Variants in DPP6 observed in about 807,000 individuals in gnomAD.
DPP6 encodes the protein dipeptidyl peptidase like 6, also known as A-type potassium channel modulatory protein DPP6.
A neutral mutation model predicts 122.6 loss-of-function variants in DPP6; 69 were observed. The observed-to-expected ratio is 0.56, with a 90% confidence interval of 0.46 to 0.69. The LOEUF (loss-of-function observed/expected upper bound fraction) is 0.69, where lower values mean the gene tolerates loss of function less well. Among genes scored for constraint, DPP6 ranks in the 30% least tolerant of loss-of-function variants. DPP6 has a pLI of 0.00. For missense variants in DPP6, 928 were observed against 1,116.9 expected (o/e 0.83, Z 2.41); for synonymous variants, 418 against 433.1 (o/e 0.97, Z 0.43).
intron 6 of DPP6, among the ~76,000 whole-genome samples, chr7:154,641,775 C>T (rs1210221913): frequency 6.6e-6 from 1 of 152,038 alleles, no homozygotes; most frequent in African/African-American, 2.4e-5. Flanking sequence ...AAAAATTGGT[C>T]CTATCACTTT....
intron 1 of DPP6, among the ~76,000 whole-genome samples, chr7:153,942,995 C>T (rs1179743055): frequency 2.6e-5 from 4 of 152,164 alleles, no homozygotes; most frequent in Non-Finnish European, 4.4e-5. Flanking sequence ...CTGGCCCCAG[C>T]GACACTCTGG....
At chr7:154,417,687 A>G (rs1242835984) in intron 1 of DPP6, among the ~76,000 whole-genome samples, 1 of 152,064 alleles carries the variant, frequency 6.6e-6, no homozygotes, top group Non-Finnish European at 1.5e-5. Flanking sequence ...CACTCCCACC[A>G]CAAGTCAGTT....
intron 1 of DPP6, among the ~76,000 whole-genome samples, chr7:153,944,175 C>T (rs191540602): frequency 3.3e-4 from 51 of 152,320 alleles, no homozygotes; most frequent in African/African-American, 1.0e-3. Context: ...CCAGCACAGC[C>T]GGGGCTCGGT....
intron 4 of DPP6, among the ~76,000 whole-genome samples, chr7:154,566,543 G>A (rs1297600820): frequency 3.3e-5 from 5 of 151,838 alleles, no homozygotes; most frequent in Non-Finnish European, 5.9e-5. Context: ...CACCCACCTC[G>A]GCCTCCCAAA....
At chr7:153,815,668 C>T in the DPP6 span, among the ~76,000 whole-genome samples, 3 of 152,098 alleles carry the variant, frequency 2.0e-5, no homozygotes, top group Non-Finnish European at 4.4e-5. Flanking sequence ...GAAGTTAGTC[C>T]TTTGTCAGAA....
intron 1 of DPP6, among the ~76,000 whole-genome samples, chr7:153,937,592 C>T (rs576688721): frequency 2.0e-4 from 31 of 152,046 alleles, no homozygotes; most frequent in African/African-American, 6.7e-4. Context: ...GGATAACAGG[C>T]GCCCGCCACC....
chr7:153,960,761 C>T (rs1795315286), intron 1 of DPP6, among the ~76,000 whole-genome samples: 1 of 149,052 alleles, frequency 6.7e-6, no homozygotes, highest in Admixed American at 6.8e-5. Flanking sequence ...TCCAGGTGCC[C>T]TCATACTGTG....
chr7:154,189,886 C>T (rs2150763049), intron 1 of DPP6, among the ~76,000 whole-genome samples: 1 of 152,232 alleles, frequency 6.6e-6, no homozygotes, highest in South Asian at 2.1e-4. Flanking sequence ...TTCAAATAAC[C>T]AACAACATTT....
At chr7:154,093,941 G>A (rs1350741727) in intron 1 of DPP6, 2 of 152,144 alleles carry the variant, frequency 1.3e-5, no homozygotes, top group Non-Finnish European at 2.9e-5. Flanking sequence ...TTCCTTTCAT[G>A]TTTGGGCCAA....
chr7:154,475,129 T>C, intron 3 of DPP6, 92 bp downstream of exon 3: 1 of 965,330 alleles, frequency 1.0e-6, no homozygotes, highest in Non-Finnish European at 1.7e-6. Context: ...CCTCTCGGAT[T>C]TCCCCCTTTG....
intron 25 of DPP6, among the ~76,000 whole-genome samples, chr7:154,891,553 G>A (rs1424359963): frequency 6.6e-6 from 1 of 152,142 alleles, no homozygotes; most frequent in Non-Finnish European, 1.5e-5. Context: ...AAATCTGTGG[G>A]GTGGGCCCGT....
intron 1 of DPP6, among the ~76,000 whole-genome samples, chr7:153,891,796 G>A (rs1799215995): frequency 6.6e-6 from 1 of 152,182 alleles, no homozygotes; most frequent in Admixed American, 6.5e-5. Flanking sequence ...CTTCCTTGGT[G>A]TGTGCATTGG....
intron 5 of DPP6, among the ~76,000 whole-genome samples, chr7:154,634,564 G>A (rs117603264): frequency 0.02 from 3,006 of 152,048 alleles, 52 homozygotes; most frequent in Non-Finnish European, 0.033. Flanking sequence ...GTTTTGATTT[G>A]GTTTGGTTTG....
At chr7:153,794,822 T>A in the DPP6 span, among the ~76,000 whole-genome samples, 1 of 152,184 alleles carries the variant, frequency 6.6e-6, no homozygotes, top group African/African-American at 2.4e-5. Flanking sequence ...CTCATAATAG[T>A]GAATAAGTCT....
chr7:154,516,435 C>G (rs1023579040), intron 3 of DPP6, among the ~76,000 whole-genome samples: 1 of 152,210 alleles, frequency 6.6e-6, no homozygotes, highest in Non-Finnish European at 1.5e-5. Flanking sequence ...GGGGAGGCAT[C>G]TGCAGTCTCC....
intron 1 of DPP6, among the ~76,000 whole-genome samples, chr7:154,322,256 C>T (rs1299371986): frequency 6.6e-6 from 1 of 152,202 alleles, no homozygotes; most frequent in Non-Finnish European, 1.5e-5. Flanking sequence ...AGGAAATAGA[C>T]TTAAAGTGCT....
chr7:154,884,745 ACATACT>A (rs1805979363), intron 21 of DPP6: 1 of 69,754 alleles, frequency 1.4e-5, no homozygotes, highest in Non-Finnish European at 2.9e-5. Flanking sequence ...AAGTTTACAC[ACATACT>A]CATACATGCT....
At chr7:154,741,930 A>T (rs1005579341) in intron 8 of DPP6, among the ~76,000 whole-genome samples, 2 of 152,248 alleles carry the variant, frequency 1.3e-5, no homozygotes, top group Admixed American at 1.3e-4. Flanking sequence ...AGAAATTTAC[A>T]TGTAGCAAAA....
At chr7:154,854,545 T>G (rs1450048717) in intron 17 of DPP6, among the ~76,000 whole-genome samples, 1 of 151,846 alleles carries the variant, frequency 6.6e-6, no homozygotes, top group African/African-American at 2.4e-5. Context: ...TTACGGAGGG[T>G]GATCAGATAT....
Sources: allele counts gnomAD v4.1 joint callset (sites outside exome capture counted in the v4.1 genomes callset), GRCh38; gene constraint gnomAD v4.1.1; transcripts MANE v1.5; gene names NCBI Gene and HGNC (gene_info 2026-07-23, HGNC 2026-07-21).